Variants in COLGALT2 observed in about 807,000 individuals in gnomAD.
COLGALT2 encodes collagen beta(1-O)galactosyltransferase 2.
A neutral mutation model predicts 73.4 loss-of-function variants in COLGALT2; 49 were observed. The ratio of observed to expected loss-of-function variants is 0.67; its 90% confidence interval spans 0.53 to 0.85. COLGALT2 has a LOEUF of 0.85. Among genes scored for constraint, COLGALT2 ranks in the 40% least tolerant of loss-of-function variants. The pLI is 0.00. For synonymous variants in COLGALT2, 295 were observed against 307.6 expected, an observed-to-expected ratio of 0.96 and a Z score of 0.43; for missense variants, 722 against 790.2, an observed-to-expected ratio of 0.91 and a Z score of 1.03.
chr1:183,967,895 G>A (rs770114964), intron 5 of COLGALT2, among the ~76,000 whole-genome samples: 1 of 152,166 alleles, frequency 6.6e-6, no homozygotes, highest in African/African-American at 2.4e-5. Flanking sequence ...CTAGACATAA[G>A]GGCTACAAAA....
At chr1:184,031,582 A>C (rs1361513754) in intron 1 of COLGALT2, among the ~76,000 whole-genome samples, 4 of 152,226 alleles carry the variant, frequency 2.6e-5, no homozygotes, top group African/African-American at 9.6e-5. Flanking sequence ...GTCTTTTCAC[A>C]ATCTTAAGCA....
Position 183,973,531 on chromosome 1 carries a change from A to G in COLGALT2, c.627+85T>C, listed in dbSNP as rs1671106364. The G allele has an allele frequency of 5.2e-6, 8 of 1,536,812 alleles. No individual in the cohort carries two copies. In the South Asian group the frequency reaches 9.4e-5, roughly 18 times the overall value. ...ACACGCATGTTTCAAGGGAGTAAAC[A>G]AGAGAAAGGTGAATGGGACTACTGT... On this transcript the variant is annotated intron_variant, in intron 4 of 11. Coordinates refer to ENST00000361927, the MANE Select transcript of COLGALT2 (RefSeq NM_015101.4).
chr1:183,996,842 T>C (rs1184732569), intron 1 of COLGALT2, among the ~76,000 whole-genome samples: 1 of 152,210 alleles, frequency 6.6e-6, no homozygotes. Context: ...CTATTATAAA[T>C]GGGGTGAATA....
chr1:184,019,974 T>G (rs931715514), intron 1 of COLGALT2, among the ~76,000 whole-genome samples: 3 of 152,224 alleles, frequency 2.0e-5, no homozygotes, highest in Non-Finnish European at 2.9e-5. Context: ...TAACCTGTGC[T>G]GTAAGTAAGA....
chr1:183,946,894 G>A (rs567361432), intron 8 of COLGALT2, among the ~76,000 whole-genome samples: 1 of 152,276 alleles, frequency 6.6e-6, no homozygotes, highest in African/African-American at 2.4e-5. Context: ...AGCCGGCCAT[G>A]GTGGTGGGTG....
intron 2 of COLGALT2, among the ~76,000 whole-genome samples, chr1:183,976,061 A>C (rs979238322): frequency 3.9e-5 from 6 of 152,222 alleles, no homozygotes; most frequent in Admixed American, 2.0e-4. Context: ...AATGAAAATC[A>C]GTGGAATTCT....
intron 1 of COLGALT2, among the ~76,000 whole-genome samples, chr1:184,024,015 A>C (rs1649254851): frequency 1.3e-5 from 2 of 152,252 alleles, no homozygotes; most frequent in African/African-American, 4.8e-5. Flanking sequence ...AGTCAAAACT[A>C]CAGAAGAAGT....
chr1:183,964,514 T>A, intron 5 of COLGALT2: 1 of 155,312 alleles, frequency 6.4e-6, no homozygotes. Context: ...GAAGGAAATT[T>A]AAAATTCTCC....
intron 10 of COLGALT2, among the ~76,000 whole-genome samples, 185 bp downstream of exon 10, chr1:183,944,011 A>G (rs1670182822): frequency 6.6e-6 from 1 of 152,202 alleles, no homozygotes; most frequent in Non-Finnish European, 1.5e-5. Flanking sequence ...TGAAGAGTAG[A>G]AGGATGCAAA....
chr1:184,010,162 G>A (rs1210974037), intron 1 of COLGALT2, among the ~76,000 whole-genome samples: 2 of 152,144 alleles, frequency 1.3e-5, no homozygotes, highest in Admixed American at 6.5e-5. Flanking sequence ...GAATAATGTG[G>A]TTGAGAGACT....
chr1:183,995,174 A>T (rs1263510879), intron 1 of COLGALT2, among the ~76,000 whole-genome samples: 3 of 152,240 alleles, frequency 2.0e-5, no homozygotes, highest in Admixed American at 6.5e-5. Context: ...CCAAACTTGT[A>T]GCAAGAAAAT....
intron 1 of COLGALT2, among the ~76,000 whole-genome samples, chr1:183,979,403 G>A (rs910613655): frequency 1.3e-5 from 2 of 151,764 alleles, no homozygotes. Context: ...GACAAAGAAG[G>A]AGACTTTATA....
chr1:183,970,779 T>C (rs1671016142), intron 4 of COLGALT2, among the ~76,000 whole-genome samples: 1 of 152,234 alleles, frequency 6.6e-6, no homozygotes, highest in East Asian at 1.9e-4. Context: ...GAACCTATTT[T>C]GGGAACTGCA....
intron 6 of COLGALT2, among the ~76,000 whole-genome samples, chr1:183,963,486 C>T (rs1408960917): frequency 6.6e-6 from 1 of 152,076 alleles, no homozygotes; most frequent in South Asian, 2.1e-4. Flanking sequence ...GCTGTATTAG[C>T]CTTTTTACAT....
In COLGALT2 at chr1:184,037,322, C is replaced by A; in HGVS notation, c.36G>T (p.Ser12=). ...GCAGGGCTGAGGAGAGGAGCAGTAGCGACCAGGCGAGGGTGGCAGCAGGGC... is the reference window on the plus strand; with the variant it reads ...GCAGGGCTGAGGAGAGGAGCAGTAGAGACCAGGCGAGGGTGGCAGCAGGGC... ...AARPAATLAW[S]LLLLSSALLR... Residue 12 remains serine, a synonymous_variant, in exon 1 of 12, where the codon TCG becomes TCT. Transcript: ENST00000361927. 6.6e-7 allele frequency: 1 copy of A among 1,508,574 alleles called. No homozygotes were observed. Among genetic ancestry groups the A allele is most frequent in the Non-Finnish European group, 8.9e-7 (1 of 1,129,298 alleles). The allele number at this position is 1,508,574 out of a possible 1,614,324, so 93.4% of individuals were successfully genotyped here. A position where few individuals can be genotyped will look rare whatever the true frequency, so the allele number is the denominator to read the frequency against.
intron 1 of COLGALT2, among the ~76,000 whole-genome samples, chr1:184,001,907 C>T (rs1671937167): frequency 1.3e-5 from 2 of 152,260 alleles, no homozygotes; most frequent in Admixed American, 1.3e-4. Flanking sequence ...GAATATCCCA[C>T]AGGTCTAAAA....
intron 4 of COLGALT2, among the ~76,000 whole-genome samples, chr1:183,971,660 C>T (rs1329322908): frequency 6.6e-6 from 1 of 152,218 alleles, no homozygotes; most frequent in Non-Finnish European, 1.5e-5. Flanking sequence ...CATTCAAAAT[C>T]TCTTACAGCT....
chr1:183,973,026 CA>C (rs1244487536), intron 4 of COLGALT2, among the ~76,000 whole-genome samples: 1 of 152,122 alleles, frequency 6.6e-6, no homozygotes, highest in Non-Finnish European at 1.5e-5. Context: ...TCAGTAATTC[CA>C]CTTCTAAAAA....
chr1:184,029,704 G>GT (rs1234521976), intron 1 of COLGALT2, among the ~76,000 whole-genome samples: 3 of 152,110 alleles, frequency 2.0e-5, no homozygotes, highest in Admixed American at 6.6e-5. Context: ...TCATCAAAAA[G>GT]TTTTTTTTAT....
Sources: gnomAD v4.1 joint callset for allele counts (sites outside exome capture counted in the v4.1 genomes callset) on GRCh38, gnomAD v4.1.1 for gene constraint, MANE v1.5 for transcripts, NCBI Gene and HGNC (gene_info 2026-07-23, HGNC 2026-07-21) for gene names.